The following NKAIN2 variants were observed in gnomAD, a reference collection of about 807,000 sequenced individuals.
The protein encoded by NKAIN2 is sodium/potassium transporting ATPase interacting 2.
A neutral mutation model predicts 32.6 loss-of-function variants in NKAIN2; 14 were observed. The observed-to-expected ratio is 0.43, with a 90% CI of 0.28 to 0.67. The LOEUF (loss-of-function observed/expected upper bound fraction) is 0.67. NKAIN2 is among the 30% of genes least tolerant of loss of function. The pLI, the probability that NKAIN2 is intolerant of heterozygous loss-of-function variation, is 0.17. For synonymous variants in NKAIN2, 80 were observed against 87.2 expected, an observed-to-expected ratio of 0.92 and a Z score of 0.46; for missense variants, 198 against 258.3, an observed-to-expected ratio of 0.77 and a Z score of 1.60.
chr6:124,259,552 G>A (rs1794123033), intron 1 of NKAIN2, among the ~76,000 whole-genome samples: 1 of 152,108 alleles, frequency 6.6e-6, no homozygotes, highest in Admixed American at 6.6e-5. Flanking sequence ...CAAGGATTTG[G>A]TATAAATAGG....
At chr6:124,192,773 A>G (rs1290314758) in intron 1 of NKAIN2, among the ~76,000 whole-genome samples, 3 of 116,704 alleles carry the variant, frequency 2.6e-5, no homozygotes, top group African/African-American at 3.4e-5. Flanking sequence ...TTTTTGAGAC[A>G]GAGTCTCGCT....
intron 1 of NKAIN2, among the ~76,000 whole-genome samples, chr6:123,867,714 A>G (rs1772610389): frequency 6.6e-6 from 1 of 152,178 alleles, no homozygotes; most frequent in Non-Finnish European, 1.5e-5. Context: ...TTCATCATTC[A>G]AGATTTACCT....
At chr6:124,357,249 A>G (rs1799026342) in intron 3 of NKAIN2, among the ~76,000 whole-genome samples, 1 of 152,192 alleles carries the variant, frequency 6.6e-6, no homozygotes, top group South Asian at 2.1e-4. Flanking sequence ...AAAAAAAACC[A>G]TAAAGGGCAA....
At chr6:124,225,858 CA>C (rs1342444452) in intron 1 of NKAIN2, among the ~76,000 whole-genome samples, 3 of 151,962 alleles carry the variant, frequency 2.0e-5, no homozygotes, top group African/African-American at 7.2e-5. Flanking sequence ...ATTATGAAAA[CA>C]AAGCTCTTTT....
intron 3 of NKAIN2, among the ~76,000 whole-genome samples, chr6:124,604,672 T>C (rs1782432057): frequency 6.6e-6 from 1 of 151,844 alleles, no homozygotes; most frequent in Non-Finnish European, 1.5e-5. Flanking sequence ...AAAGTGACAA[T>C]ACAAAATCCG....
chr6:124,488,666 T>C (rs1398937643), intron 3 of NKAIN2, among the ~76,000 whole-genome samples: 1 of 152,074 alleles, frequency 6.6e-6, no homozygotes, highest in East Asian at 1.9e-4. Flanking sequence ...AATCTCATGT[T>C]GAGATGATGA....
Position 123,911,807 on chromosome 6 carries a change from A to ATATATATATG in NKAIN2, c.54+107559_54+107560insTATGTATATA, listed in dbSNP as rs1473572416. On this transcript the variant is annotated intron_variant, in intron 1 of 6. Transcript: ENST00000368417. ...CATATATATATATATATATGTATAT[A>ATATATATATG]TATATACACACACACACACACACAC... Among the ~76,000 whole-genome samples, 6 of 103,736 alleles carry ATATATATATG rather than the reference A, an allele frequency of 5.8e-5. 1 individual carries two copies. Among genetic ancestry groups the ATATATATATG allele is most frequent in the African/African-American group, 2.6e-4 (6 of 22,822 alleles). The allele number at this position is 103,736 out of a possible 152,430, so 68.1% of individuals were successfully genotyped here. A position where few individuals can be genotyped will look rare whatever the true frequency, so the allele number is the denominator to read the frequency against.
chr6:123,923,538 ACCCAAATGTCCAACAATGAT>A, intron 1 of NKAIN2, among the ~76,000 whole-genome samples: 1 of 152,010 alleles, frequency 6.6e-6, no homozygotes, highest in East Asian at 1.9e-4. Flanking sequence ...CTTGGAACCA[ACCCAAATGTCCAACAATGAT>A]AGACTGGATT....
At chr6:124,674,306 C>G (rs1279286118) in intron 4 of NKAIN2, among the ~76,000 whole-genome samples, 1 of 151,774 alleles carries the variant, frequency 6.6e-6, no homozygotes, top group African/African-American at 2.4e-5. Context: ...GAGGCTTCTG[C>G]TTTGTTTTTC....
At chr6:124,334,578 G>C (rs981339906) in intron 2 of NKAIN2, among the ~76,000 whole-genome samples, 7 of 152,150 alleles carry the variant, frequency 4.6e-5, no homozygotes, top group African/African-American at 1.7e-4. Flanking sequence ...GACCAGATAA[G>C]CCAGTTTATA....
chr6:124,298,493 G>A (rs562044770), intron 2 of NKAIN2, among the ~76,000 whole-genome samples: 28 of 152,150 alleles, frequency 1.8e-4, no homozygotes, highest in Admixed American at 7.2e-4. Context: ...AAACTGCTGC[G>A]CTAAAGATGT....
Position 124,069,941 on chromosome 6 carries a change from A to G in NKAIN2, c.55-213064A>G, listed in dbSNP as rs1783363847. On this transcript the variant is annotated intron_variant, in intron 1 of 6. Coordinates refer to ENST00000368417, the MANE Select transcript of NKAIN2 (RefSeq NM_001040214.3). ...GTGCCTGTCATTTGTGACGTTTTATACTTACACTGAACTTTGTCAATTCTA... is the reference window on the plus strand; with the variant it reads ...GTGCCTGTCATTTGTGACGTTTTATGCTTACACTGAACTTTGTCAATTCTA... Among the ~76,000 whole-genome samples the G allele has an allele frequency of 2.0e-5, 3 of 152,180 alleles. No individual in the cohort carries two copies. The South Asian group carries it at 6.2e-4, about 31-fold the overall frequency.
intron 2 of NKAIN2, among the ~76,000 whole-genome samples, chr6:124,286,915 C>A (rs1795583255): frequency 6.6e-6 from 1 of 152,102 alleles, no homozygotes; most frequent in African/African-American, 2.4e-5. Context: ...AACTCCTGAC[C>A]TCATGATCCG....
At chr6:123,960,576 C>A (rs998833497) in intron 1 of NKAIN2, among the ~76,000 whole-genome samples, 1 of 151,970 alleles carries the variant, frequency 6.6e-6, no homozygotes, top group Non-Finnish European at 1.5e-5. Context: ...AACTCTGCAG[C>A]CCTCCTAAGA....
At chr6:123,897,854 G>C (rs149071155) in intron 1 of NKAIN2, among the ~76,000 whole-genome samples, 2,665 of 152,238 alleles carry the variant, frequency 0.018, 42 homozygotes, top group Non-Finnish European at 0.027. Flanking sequence ...TCGGGTTTCT[G>C]TGACATATCT....
chr6:123,902,455 T>A (rs1323289013), intron 1 of NKAIN2, among the ~76,000 whole-genome samples: 1 of 152,190 alleles, frequency 6.6e-6, no homozygotes, highest in Non-Finnish European at 1.5e-5. Context: ...TACTTCAGTA[T>A]CTACATGTTG....
At chr6:124,225,968 G>A (rs1792086088) in intron 1 of NKAIN2, among the ~76,000 whole-genome samples, 1 of 151,956 alleles carries the variant, frequency 6.6e-6, no homozygotes, top group Non-Finnish European at 1.5e-5. Context: ...GCAACAGATA[G>A]GGAGACATCA....
intron 1 of NKAIN2, among the ~76,000 whole-genome samples, chr6:124,104,581 C>T (rs754456193): frequency 2.0e-5 from 3 of 152,050 alleles, no homozygotes; most frequent in Non-Finnish European, 4.4e-5. Flanking sequence ...ATGCAATATA[C>T]ACACACACAT....
At chr6:124,362,860 A>G (rs1283598452) in intron 3 of NKAIN2, among the ~76,000 whole-genome samples, 1 of 152,160 alleles carries the variant, frequency 6.6e-6, no homozygotes, top group East Asian at 1.9e-4. Context: ...TTTGAGATAG[A>G]GTCCCACTCT....
Sources: allele counts gnomAD v4.1 joint callset (sites outside exome capture counted in the v4.1 genomes callset), GRCh38; gene constraint gnomAD v4.1.1; transcripts MANE v1.5; gene names NCBI Gene and HGNC (gene_info 2026-07-23, HGNC 2026-07-21).